KIAA1217: variants seen among roughly 807,000 people sequenced by gnomAD.
The protein encoded by KIAA1217 is KIAA1217, also known as sickle tail protein homolog.
In KIAA1217, 88 loss-of-function variants were observed where a neutral mutation model predicts 163.9. The observed-to-expected ratio is 0.54, with a 90% confidence interval of 0.45 to 0.64. KIAA1217 has a LOEUF of 0.64. Ranked by LOEUF, KIAA1217 falls within the 30% of genes least tolerant of loss-of-function variation. The pLI is 0.00. For synonymous variants in KIAA1217, 903 were observed against 923.1 expected (o/e 0.98, Z 0.39); for missense variants, 2,372 against 2,475.0 (o/e 0.96, Z 0.88).
intron 2 of KIAA1217, among the ~76,000 whole-genome samples, chr10:24,041,856 A>G (rs752649259): frequency 1.4e-4 from 22 of 152,012 alleles, no homozygotes; most frequent in Non-Finnish European, 2.1e-4. Flanking sequence ...ATTTTTATGT[A>G]TTGTACCTGA....
chr10:24,066,273 G>A (rs2060942267), intron 2 of KIAA1217, among the ~76,000 whole-genome samples: 1 of 152,130 alleles, frequency 6.6e-6, no homozygotes. Flanking sequence ...TTTTGCAGTG[G>A]CTGGTACCAG....
chr10:23,701,958 G>C (rs1456609185), intron 1 of KIAA1217, among the ~76,000 whole-genome samples: 1 of 152,162 alleles, frequency 6.6e-6, no homozygotes, highest in Non-Finnish European at 1.5e-5. Context: ...CTTTACCAGA[G>C]AAAAATGTCA....
At chr10:24,275,434 G>A (rs934427756) in intron 2 of KIAA1217, among the ~76,000 whole-genome samples, 2 of 152,208 alleles carry the variant, frequency 1.3e-5, no homozygotes, top group African/African-American at 4.8e-5. Context: ...AAACAAAAAA[G>A]CAGAGTGTTG....
intron 10 of KIAA1217, 113 bp downstream of exon 10, chr10:24,513,547 T>C: frequency 1.0e-6 from 1 of 976,704 alleles, no homozygotes; most frequent in Non-Finnish European, 1.5e-6. Context: ...ATTGAGCACC[T>C]ACTGTGTAAA....
intron 2 of KIAA1217, among the ~76,000 whole-genome samples, chr10:24,241,369 A>G (rs2073074040): frequency 6.6e-6 from 1 of 152,168 alleles, no homozygotes; most frequent in Admixed American, 6.5e-5. Flanking sequence ...GAGCCAGGGT[A>G]TTTATATTTT....
intron 6 of KIAA1217, among the ~76,000 whole-genome samples, chr10:24,491,875 A>C (rs887963401): frequency 6.6e-6 from 1 of 151,406 alleles, no homozygotes; most frequent in African/African-American, 2.4e-5. Flanking sequence ...GCTGTACAGA[A>C]CCCTTTAAGC....
intron 3 of KIAA1217, among the ~76,000 whole-genome samples, chr10:24,423,909 C>T (rs1036859295): frequency 2.0e-5 from 3 of 152,102 alleles, no homozygotes; most frequent in Non-Finnish European, 2.9e-5. Context: ...CATAAAGATT[C>T]GTCTAGAGAC....
chr10:23,979,427 C>T (rs1005532929), intron 1 of KIAA1217, among the ~76,000 whole-genome samples: 2 of 152,160 alleles, frequency 1.3e-5, no homozygotes, highest in Admixed American at 1.3e-4. Flanking sequence ...CACAAACAAC[C>T]GCATTTTTCG....
chr10:24,019,844 C>A (rs1253313859), intron 2 of KIAA1217, among the ~76,000 whole-genome samples: 1 of 151,714 alleles, frequency 6.6e-6, no homozygotes, highest in African/African-American at 2.4e-5. Flanking sequence ...AATAAAACAA[C>A]TCTAAAAAGA....
At chr10:23,714,185 T>C (rs1173371285) in intron 1 of KIAA1217, among the ~76,000 whole-genome samples, 1 of 152,134 alleles carries the variant, frequency 6.6e-6, no homozygotes, top group East Asian at 1.9e-4. Context: ...TTCCCCGCTA[T>C]CCTGTTTGTT....
chr10:24,375,579 T>G (rs570359023), intron 2 of KIAA1217, among the ~76,000 whole-genome samples: 1 of 152,322 alleles, frequency 6.6e-6, no homozygotes, highest in South Asian at 2.1e-4. Flanking sequence ...TGACTGGGTT[T>G]GAGTTGAAAG....
chr10:23,720,333 GATAAA>G (rs1318813783), intron 1 of KIAA1217, among the ~76,000 whole-genome samples: 8 of 152,100 alleles, frequency 5.3e-5, no homozygotes, highest in East Asian at 1.9e-4. Context: ...TGTGTCACTT[GATAAA>G]ATAAAATTCA....
At chr10:23,962,582 T>C (rs1265064925) in intron 1 of KIAA1217, among the ~76,000 whole-genome samples, 3 of 152,226 alleles carry the variant, frequency 2.0e-5, no homozygotes, top group Non-Finnish European at 4.4e-5. Context: ...ATATATTGTG[T>C]CTCAAATCTG....
intron 2 of KIAA1217, among the ~76,000 whole-genome samples, chr10:24,349,881 A>G (rs1321625765): frequency 6.6e-6 from 1 of 152,216 alleles, no homozygotes; most frequent in Non-Finnish European, 1.5e-5. Context: ...GCAGTAATGA[A>G]AAGCTTGTGT....
At chr10:24,062,160 TA>T (rs2060748389) in intron 2 of KIAA1217, among the ~76,000 whole-genome samples, 1 of 152,006 alleles carries the variant, frequency 6.6e-6, no homozygotes, top group Non-Finnish European at 1.5e-5. Context: ...TATTATACTT[TA>T]AGCTTTAGGG....
intron 1 of KIAA1217, among the ~76,000 whole-genome samples, chr10:24,003,740 G>A (rs998852594): frequency 3.9e-5 from 6 of 152,174 alleles, no homozygotes; most frequent in Admixed American, 6.5e-5. Flanking sequence ...TTGAATCACA[G>A]AATGTTTCTA....
At chr10:24,516,093 A>C (rs2070107546) in intron 10 of KIAA1217, among the ~76,000 whole-genome samples, 1 of 152,238 alleles carries the variant, frequency 6.6e-6, no homozygotes, top group Non-Finnish European at 1.5e-5. Context: ...GAAGAAAGAA[A>C]GAAATGGTTT....
At chr10:24,043,590 C>T (rs1848775242) in intron 2 of KIAA1217, among the ~76,000 whole-genome samples, 1 of 152,058 alleles carries the variant, frequency 6.6e-6, no homozygotes, top group Non-Finnish European at 1.5e-5. Flanking sequence ...GCAATGAACA[C>T]TAGAAGACCT....
In KIAA1217 at chr10:24,059,977, C is replaced by T. The variant is rs139740327; in HGVS notation, c.-171+52603C>T. On this transcript the variant is annotated intron_variant, in intron 2 of 18. Transcript: ENST00000376462. ...TTTGTTGGCATACAGTAGTCTCTTACAATCTATTCATAGTAGTCCCTTATG... is the reference window on the plus strand; with the variant it reads ...TTTGTTGGCATACAGTAGTCTCTTATAATCTATTCATAGTAGTCCCTTATG... Among the ~76,000 whole-genome samples the T allele has an allele frequency of 5.1e-3, 780 of 152,302 alleles. 3 individuals are homozygous for T. Among genetic ancestry groups the T allele is most frequent in the African/African-American group, 0.017 (718 of 41,582 alleles).
Sources: allele counts gnomAD v4.1 joint callset (sites outside exome capture counted in the v4.1 genomes callset), GRCh38; gene constraint gnomAD v4.1.1; transcripts MANE v1.5; gene names NCBI Gene and HGNC (gene_info 2026-07-23, HGNC 2026-07-21).